Variants in MYO16 observed in about 807,000 individuals in gnomAD.
MYO16 encodes unconventional myosin-XVI.
Under a neutral mutation model 205.3 loss-of-function variants are expected in MYO16, and 94 were observed. The ratio of observed to expected loss-of-function variants is 0.46; its 90% CI spans 0.39 to 0.54. The LOEUF (loss-of-function observed/expected upper bound fraction) is 0.54. MYO16 is among the 20% of genes least tolerant of loss of function. The probability of loss-of-function intolerance (pLI) is 0.00; values close to 1 mark genes in which losing one functional copy is unlikely to be tolerated. For synonymous variants in MYO16, 988 were observed against 954.0 expected (o/e 1.04, Z -0.66); for missense variants, 2,315 against 2,387.5 (o/e 0.97, Z 0.63).
exon 1 of MYO16, chr13:108,596,203 A>G (rs894209669): frequency 1.3e-5 from 2 of 151,848 alleles, no homozygotes; most frequent in Non-Finnish European, 2.9e-5. Flanking sequence ...CAAAGGTTGT[A>G]TTTTCCTTCT....
chr13:109,160,066 C>G (rs556562168), intron 32 of MYO16, among the ~76,000 whole-genome samples: 1 of 152,202 alleles, frequency 6.6e-6, no homozygotes, highest in African/African-American at 2.4e-5. Flanking sequence ...GGGGGACCGT[C>G]CTGTGTGTTA....
intron 22 of MYO16, among the ~76,000 whole-genome samples, chr13:109,016,275 G>C (rs1395330720): frequency 3.9e-5 from 6 of 152,202 alleles, no homozygotes; most frequent in Admixed American, 3.9e-4. Flanking sequence ...GAGCGGTTTT[G>C]AGTGAGTTTC....
chr13:108,861,781 A>G (rs1878460667), intron 11 of MYO16, among the ~76,000 whole-genome samples: 1 of 152,174 alleles, frequency 6.6e-6, no homozygotes, highest in African/African-American at 2.4e-5. Context: ...TTATAGTGCC[A>G]TTAAAATTGG....
In MYO16 at chr13:108,972,351, CATATATAT is replaced by C. The variant is rs869041443; in HGVS notation, c.2369+7489_2369+7496del. On this transcript the variant is annotated intron_variant, in intron 20 of 34. Coordinates refer to ENST00000457511, the MANE Select transcript of MYO16 (RefSeq NM_001198950.3). ...CCATCTATATATATATATATATAGC[CATATATAT>C]ATATATATATATATATATATATATA... 3.2e-3 allele frequency among the ~76,000 whole-genome samples: 55 copies of C among 17,444 alleles called. 5 individuals are homozygous for C. The highest frequency in any genetic ancestry group is 0.031 in the South Asian group (6 of 192). 11.4% of individuals were successfully genotyped at this position (17,444 alleles called of 152,430 possible). A position where few individuals can be genotyped will look rare whatever the true frequency, so the allele number is the denominator to read the frequency against.
intron 2 of MYO16, among the ~76,000 whole-genome samples, chr13:108,689,452 A>C (rs1016471421): frequency 6.6e-6 from 1 of 152,142 alleles, no homozygotes; most frequent in Non-Finnish European, 1.5e-5. Flanking sequence ...ATTGTAAAGG[A>C]ACCCACTTTA....
chr13:108,576,509 G>A, the MYO16 span, among the ~76,000 whole-genome samples: 1 of 152,156 alleles, frequency 6.6e-6, no homozygotes, highest in Non-Finnish European at 1.5e-5. Context: ...ATAAAGCATT[G>A]TTATTTATTC....
rs777252716 is a variant in MYO16 at position 108,883,190 on chromosome 13, A to C, written c.1553+4A>C. On this transcript the variant is annotated splice_donor_region_variant and intron_variant, in intron 13 of 34. Transcript: ENST00000457511. ...GGCCTCAGTGTTTCATCCTCAGGTGAGTCCTCCTCAACCTTGTCTGCCAGG... is the reference window on the plus strand; with the variant it reads ...GGCCTCAGTGTTTCATCCTCAGGTGCGTCCTCCTCAACCTTGTCTGCCAGG... The C allele has an allele frequency of 6.2e-7, 1 of 1,612,786 alleles. No individual in the cohort carries two copies. The highest frequency in any genetic ancestry group is 1.1e-5 in the South Asian group (1 of 90,940).
intron 4 of MYO16, among the ~76,000 whole-genome samples, chr13:108,749,946 T>C (rs1375215965): frequency 6.6e-6 from 1 of 152,126 alleles, no homozygotes. Flanking sequence ...GAGTCAGCAA[T>C]AAAACAGGAC....
intron 20 of MYO16, among the ~76,000 whole-genome samples, chr13:108,977,410 G>A (rs1009173937): frequency 6.6e-6 from 1 of 152,080 alleles, no homozygotes; most frequent in Admixed American, 6.6e-5. Context: ...CAAGGAGAAC[G>A]ATTATTTGCA....
At chr13:109,019,436 G>A (rs928878248) in intron 22 of MYO16, among the ~76,000 whole-genome samples, 8 of 152,052 alleles carry the variant, frequency 5.3e-5, no homozygotes, top group South Asian at 4.1e-4. Context: ...AGATGAAAAT[G>A]TACTTTTTAA....
At chr13:108,678,082 T>G (rs191743269) in intron 2 of MYO16, among the ~76,000 whole-genome samples, 2 of 152,324 alleles carry the variant, frequency 1.3e-5, no homozygotes, top group Admixed American at 1.3e-4. Flanking sequence ...CACACAGAAG[T>G]AAAATGTTCT....
chr13:108,812,237 G>A (rs1887317227), intron 7 of MYO16, among the ~76,000 whole-genome samples: 1 of 152,010 alleles, frequency 6.6e-6, no homozygotes, highest in African/African-American at 2.4e-5. Flanking sequence ...TGCATATCCC[G>A]TATCATAAAC....
intron 2 of MYO16, among the ~76,000 whole-genome samples, chr13:108,681,240 T>C (rs1002706996): frequency 6.6e-5 from 10 of 152,226 alleles, no homozygotes; most frequent in African/African-American, 2.4e-4. Context: ...CTAATAGTTA[T>C]ATTTGATATT....
chr13:108,652,087 T>C (rs1334835448), intron 1 of MYO16, among the ~76,000 whole-genome samples: 1 of 152,108 alleles, frequency 6.6e-6, no homozygotes, highest in Non-Finnish European at 1.5e-5. Flanking sequence ...GTTATAACAA[T>C]GGATTCTGAG....
chr13:108,525,246 A>G, the MYO16 span, among the ~76,000 whole-genome samples: 1 of 152,210 alleles, frequency 6.6e-6, no homozygotes, highest in Non-Finnish European at 1.5e-5. Flanking sequence ...CCTCAAAAAT[A>G]ATTTTGTTTT....
intron 1 of MYO16, among the ~76,000 whole-genome samples, chr13:108,617,398 T>A (rs932099030): frequency 6.6e-6 from 1 of 152,232 alleles, no homozygotes; most frequent in African/African-American, 2.4e-5. Context: ...TCTGCAGATT[T>A]CAGCTATGAT....
intron 2 of MYO16, among the ~76,000 whole-genome samples, chr13:108,667,058 A>T (rs1881764437): frequency 6.6e-6 from 1 of 152,302 alleles, no homozygotes. Context: ...CGAAGCCGTT[A>T]TTTTGATAGC....
intron 4 of MYO16, among the ~76,000 whole-genome samples, chr13:108,738,607 T>C (rs1482395118): frequency 2.6e-5 from 4 of 152,312 alleles, no homozygotes; most frequent in East Asian, 3.9e-4. Context: ...GAAGAATGTA[T>C]ATTCTGTTGA....
intron 25 of MYO16, among the ~76,000 whole-genome samples, chr13:109,054,653 G>A (rs1887355664): frequency 6.6e-6 from 1 of 152,034 alleles, no homozygotes; most frequent in African/African-American, 2.4e-5. Flanking sequence ...CAACAGCCCT[G>A]TACTTGAAAG....
Sources: gnomAD v4.1 joint callset for allele counts (sites outside exome capture counted in the v4.1 genomes callset) on GRCh38, gnomAD v4.1.1 for gene constraint, MANE v1.5 for transcripts, NCBI Gene and HGNC (gene_info 2026-07-23, HGNC 2026-07-21) for gene names.